The following KCNB2 variants were observed in gnomAD, a reference collection of about 807,000 sequenced individuals.
KCNB2 encodes the protein delayed rectifier potassium channel protein.
A neutral mutation model predicts 61.5 loss-of-function variants in KCNB2; 15 were observed. That is an observed-to-expected ratio of 0.24 (90% confidence interval 0.16 to 0.38). The LOEUF (loss-of-function observed/expected upper bound fraction) is 0.38. KCNB2 is among the 10% of genes least tolerant of loss of function. The pLI, the probability that KCNB2 is intolerant of heterozygous loss-of-function variation, is 1.00. For missense variants in KCNB2, 828 were observed against 1,125.2 expected, an observed-to-expected ratio of 0.74 and a Z score of 3.78; for synonymous variants, 457 against 446.0, an observed-to-expected ratio of 1.02 and a Z score of -0.31.
chr8:72,797,128 G>C (rs1809044525), intron 2 of KCNB2, among the ~76,000 whole-genome samples: 1 of 152,084 alleles, frequency 6.6e-6, no homozygotes, highest in African/African-American at 2.4e-5. Flanking sequence ...AGATTCTACT[G>C]GGCTCCTTAT....
chr8:72,652,225 T>C (rs1230251078), intron 2 of KCNB2, among the ~76,000 whole-genome samples: 1 of 152,158 alleles, frequency 6.6e-6, no homozygotes, highest in East Asian at 1.9e-4. Flanking sequence ...AACATATCAA[T>C]GCCCATCTGC....
At chr8:72,567,123 C>A (rs1449362311) in intron 1 of KCNB2, among the ~76,000 whole-genome samples, 1 of 151,996 alleles carries the variant, frequency 6.6e-6, no homozygotes, top group Non-Finnish European at 1.5e-5. Context: ...GAGGTCAAGA[C>A]CAGCCTGGGC....
rs545611852 is a variant in KCNB2, at chr8:72,588,369, C to T, written c.579+20056C>T. On this transcript the variant is annotated intron_variant, in intron 2 of 2. Coordinates refer to ENST00000523207, the MANE Select transcript of KCNB2 (RefSeq NM_004770.3). ...GAATAGCTGGGATTACAGTCATGCA[C>T]CACCACGCCGGCTAATTTTGTATTT... is the stretch of plus-strand genomic sequence containing the variant. Among the ~76,000 whole-genome samples the T allele has an allele frequency of 1.8e-4, 28 of 152,042 alleles. 1 individual carries two copies. In the South Asian group the frequency reaches 5.8e-3, roughly 32 times the overall value.
At chr8:72,623,119 A>G (rs1443045559) in intron 2 of KCNB2, among the ~76,000 whole-genome samples, 1 of 152,196 alleles carries the variant, frequency 6.6e-6, no homozygotes, top group African/African-American at 2.4e-5. Flanking sequence ...TCACTGCAGC[A>G]TTTCTGTTGT....
chr8:72,745,963 A>G lies in KCNB2; in HGVS notation c.579+177650A>G, dbSNP rs1179981394. Among the ~76,000 whole-genome samples, 10 of 152,310 alleles carry G rather than the reference A, an allele frequency of 6.6e-5. No individual in the cohort carries two copies. The East Asian group carries it at 1.2e-3, about 18-fold the overall frequency. ...AGAGGCTACCTCCCAAGAACCAAGG[A>G]CAAAAGCCAGTCAAATTTTTGCTTG... is the stretch of plus-strand genomic sequence containing the variant. On this transcript the variant is annotated intron_variant, in intron 2 of 2. Coordinates refer to ENST00000523207, the MANE Select transcript of KCNB2 (RefSeq NM_004770.3).
At chr8:72,918,251 T>C (rs925597469) in intron 2 of KCNB2, among the ~76,000 whole-genome samples, 1 of 152,178 alleles carries the variant, frequency 6.6e-6, no homozygotes, top group Non-Finnish European at 1.5e-5. Context: ...GTGTCTTCTG[T>C]AGCAGTGCTA....
intron 2 of KCNB2, among the ~76,000 whole-genome samples, chr8:72,855,616 T>TTCC (rs1184062243): frequency 6.6e-6 from 1 of 152,158 alleles, no homozygotes; most frequent in Non-Finnish European, 1.5e-5. Context: ...AAACTATGAG[T>TTCC]TCCACAAAGG....
At chr8:72,846,214 C>G (rs1463208014) in intron 2 of KCNB2, among the ~76,000 whole-genome samples, 6 of 152,170 alleles carry the variant, frequency 3.9e-5, no homozygotes, top group Admixed American at 3.9e-4. Flanking sequence ...TCCTCCACCC[C>G]TTGTGCTTCC....
intron 2 of KCNB2, among the ~76,000 whole-genome samples, chr8:72,753,151 G>C (rs1808227640): frequency 6.6e-6 from 1 of 152,172 alleles, no homozygotes; most frequent in Admixed American, 6.5e-5. Flanking sequence ...TCTTTGAATA[G>C]AGTTGAATAG....
intron 2 of KCNB2, among the ~76,000 whole-genome samples, chr8:72,886,148 T>C (rs1296420416): frequency 2.6e-5 from 4 of 152,242 alleles, no homozygotes; most frequent in African/African-American, 4.8e-5. Flanking sequence ...TATTGCTTTT[T>C]AGATATCCTG....
chr8:72,726,810 G>C (rs560351799), intron 2 of KCNB2, among the ~76,000 whole-genome samples: 1 of 152,240 alleles, frequency 6.6e-6, no homozygotes, highest in Middle Eastern at 3.4e-3. Context: ...ATTCCAGGAA[G>C]TGACATTGAA....
intron 2 of KCNB2, among the ~76,000 whole-genome samples, chr8:72,903,905 GC>G (rs993846777): frequency 6.6e-6 from 1 of 151,996 alleles, no homozygotes; most frequent in African/African-American, 2.4e-5. Flanking sequence ...ACAACTTTTT[GC>G]CCTTGACGAG....
At chr8:72,778,517 T>G (rs1808696089) in intron 2 of KCNB2, among the ~76,000 whole-genome samples, 1 of 151,212 alleles carries the variant, frequency 6.6e-6, no homozygotes, top group Non-Finnish European at 1.5e-5. Flanking sequence ...GCAGGCAGAT[T>G]GCTTGAGCCC....
chr8:72,677,809 T>A (rs545124626), intron 2 of KCNB2, among the ~76,000 whole-genome samples: 5 of 152,304 alleles, frequency 3.3e-5, no homozygotes, highest in South Asian at 2.1e-4. Flanking sequence ...AAACAAATAG[T>A]GGAGTGCTTC....
intron 2 of KCNB2, among the ~76,000 whole-genome samples, chr8:72,861,565 G>A (rs1805409520): frequency 1.3e-5 from 2 of 152,120 alleles, no homozygotes; most frequent in Admixed American, 1.3e-4. Flanking sequence ...GGCTTCCTTT[G>A]TGCAGCAGAA....
At chr8:72,843,498 T>A (rs927260084) in intron 2 of KCNB2, among the ~76,000 whole-genome samples, 8 of 152,136 alleles carry the variant, frequency 5.3e-5, no homozygotes, top group African/African-American at 1.4e-4. Flanking sequence ...CCTTGTTAAT[T>A]TTCTGTCTCA....
At chr8:72,716,567 G>C in intron 2 of KCNB2, among the ~76,000 whole-genome samples, 1 of 152,144 alleles carries the variant, frequency 6.6e-6, no homozygotes, top group Admixed American at 6.5e-5. Context: ...AAAACCACAT[G>C]ATTATCTCAA....
intron 2 of KCNB2, among the ~76,000 whole-genome samples, chr8:72,624,926 A>G (rs1489219): frequency 0.38 from 58,197 of 152,174 alleles, 13,051 homozygotes; most frequent in Non-Finnish European, 0.51. Flanking sequence ...GTGGCCTCTT[A>G]GAGCTGAGGG....
chr8:72,573,779 G>A (rs771738790), intron 2 of KCNB2, among the ~76,000 whole-genome samples: 5 of 151,162 alleles, frequency 3.3e-5, no homozygotes, highest in Non-Finnish European at 7.4e-5. Flanking sequence ...TCTGTGTACC[G>A]TGCAGTGCTC....
Sources: gnomAD v4.1 joint callset for allele counts (sites outside exome capture counted in the v4.1 genomes callset) on GRCh38, gnomAD v4.1.1 for gene constraint, MANE v1.5 for transcripts, NCBI Gene and HGNC (gene_info 2026-07-23, HGNC 2026-07-21) for gene names.